COL9A1: variants seen among roughly 807,000 people sequenced by gnomAD.
COL9A1 encodes collagen alpha-1(IX) chain.
A neutral mutation model predicts 142.6 loss-of-function variants in COL9A1; 104 were observed. The observed-to-expected ratio is 0.73, with a 90% CI of 0.62 to 0.86. COL9A1 has a LOEUF of 0.86. Among genes scored for constraint, COL9A1 ranks in the 40% least tolerant of loss-of-function variants. The probability of loss-of-function intolerance (pLI) is 0.00; values close to 1 mark genes in which losing one functional copy is unlikely to be tolerated. For missense variants in COL9A1, 1,210 were observed against 1,176.6 expected (o/e 1.03, Z -0.42); for synonymous variants, 466 against 396.0 (o/e 1.18, Z -2.10).
chr6:70,254,776 C>A, intron 24 of COL9A1, 187 bp downstream of exon 24: 1 of 702,898 alleles, frequency 1.4e-6, no homozygotes. Context: ...GTTCCTGAAA[C>A]CAAGCAAATA....
intron 37 of COL9A1, among the ~76,000 whole-genome samples, chr6:70,224,776 T>A (rs1348258315): frequency 6.6e-6 from 1 of 152,202 alleles, no homozygotes; most frequent in Non-Finnish European, 1.5e-5. Flanking sequence ...TTCCTTTCAT[T>A]ACTAATCATA....
chr6:70,273,572 G>A (rs1772544186), intron 12 of COL9A1, among the ~76,000 whole-genome samples: 1 of 152,098 alleles, frequency 6.6e-6, no homozygotes, highest in Non-Finnish European at 1.5e-5. Context: ...ACACACACCT[G>A]CCATATTGTG....
intron 33 of COL9A1, among the ~76,000 whole-genome samples, 162 bp from the exon 34 acceptor site, chr6:70,235,102 C>T (rs189473229): frequency 3.3e-5 from 5 of 152,342 alleles, no homozygotes; most frequent in Admixed American, 1.3e-4. Context: ...GGTGAAGACA[C>T]ATAATGCTAC....
At chr6:70,288,381 T>C (rs540419226) in intron 5 of COL9A1, among the ~76,000 whole-genome samples, 4 of 152,208 alleles carry the variant, frequency 2.6e-5, no homozygotes, top group African/African-American at 9.6e-5. Context: ...CAGTAGCTCT[T>C]AAGTAGCCCT....
Position 70,240,731 on chromosome 6 carries a change from A to G in COL9A1, c.2037T>C (p.Gly679=). 6.2e-7 allele frequency: 1 copy of G among 1,612,686 alleles called. No homozygotes were observed. Among genetic ancestry groups the G allele is most frequent in the Non-Finnish European group, 8.5e-7 (1 of 1,178,960 alleles). Residue 679 remains glycine (G), a splice_region_variant and synonymous_variant, in exon 32 of 38, where the codon GGT becomes GGC. Coordinates refer to ENST00000357250, the MANE Select transcript of COL9A1 (RefSeq NM_001851.6). ...VGEPGPKGEQ[G]ASGEEGEAGE... ...CTGCTTCACCTTCTTCACCAGAGGC[A>G]CCCTAAAAATTAAGATAAAAGGTTA...
chr6:70,294,932 A>G (rs1293295412), intron 4 of COL9A1, among the ~76,000 whole-genome samples: 1 of 152,230 alleles, frequency 6.6e-6, no homozygotes. Flanking sequence ...TATTTCATTC[A>G]CAAGTGAGAG....
At chr6:70,230,843 G>C (rs4342384) in intron 36 of COL9A1, among the ~76,000 whole-genome samples, 1 of 152,122 alleles carries the variant, frequency 6.6e-6, no homozygotes, top group Non-Finnish European at 1.5e-5. Flanking sequence ...CCAGTGTGCA[G>C]GCAAGGCTGA....
Position 70,283,835 on chromosome 6 carries a change from T to G in COL9A1, c.697-15A>C. 1 of 1,590,064 alleles carries G rather than the reference T, an allele frequency of 6.3e-7. No individual in the cohort carries two copies. On this transcript the variant is annotated splice_polypyrimidine_tract_variant and intron_variant, in intron 5 of 37. Transcript: ENST00000357250. ...TGAAGTTCAAACTGGAGAAAGGTAGTAGACAGTCAGGTAAGGTTTTTTGGA... is the reference window on the plus strand; with the variant it reads ...TGAAGTTCAAACTGGAGAAAGGTAGGAGACAGTCAGGTAAGGTTTTTTGGA...
intron 5 of COL9A1, among the ~76,000 whole-genome samples, chr6:70,284,753 C>T (rs984924842): frequency 1.3e-5 from 2 of 152,218 alleles, no homozygotes; most frequent in African/African-American, 4.8e-5. Context: ...CAAATTGGAT[C>T]CATATTTCTT....
In COL9A1 at chr6:70,278,799, T is replaced by G. The variant is rs567543619; in HGVS notation, c.975+2013A>C. 3.9e-5 allele frequency among the ~76,000 whole-genome samples: 6 copies of G among 152,374 alleles called. No homozygotes were observed. The South Asian group carries it at 1.2e-3, about 32-fold the overall frequency. ...TTTCTATGTTGTACTTCTAAAAATT[T>G]CAAAGCACTTTCATTTGTTTATCCA... is the stretch of plus-strand genomic sequence containing the variant. On this transcript the variant is annotated intron_variant, in intron 10 of 37. Transcript: ENST00000357250.
chr6:70,277,180 G>A (rs1052692830), intron 10 of COL9A1, among the ~76,000 whole-genome samples: 1 of 152,004 alleles, frequency 6.6e-6, no homozygotes, highest in Non-Finnish European at 1.5e-5. Flanking sequence ...TCATATGGGT[G>A]TTATAAGAAA....
chr6:70,274,968 T>G, intron 10 of COL9A1, 196 bp from the exon 11 acceptor site: 1 of 584,224 alleles, frequency 1.7e-6, no homozygotes, highest in South Asian at 2.1e-5. Flanking sequence ...TTGTGATTAT[T>G]TCTTCTTGAT....
At chr6:70,262,453 G>A (rs1771749947) in intron 19 of COL9A1, among the ~76,000 whole-genome samples, 2 of 152,178 alleles carry the variant, frequency 1.3e-5, no homozygotes, top group Non-Finnish European at 2.9e-5. Context: ...AGCCAGTCCT[G>A]TGGAGAAGAG....
intron 12 of COL9A1, among the ~76,000 whole-genome samples, chr6:70,273,107 G>A (rs1463304530): frequency 2.0e-5 from 3 of 152,114 alleles, no homozygotes; most frequent in African/African-American, 7.2e-5. Context: ...AGTTGGACAG[G>A]AAAAACAAGC....
At chr6:70,257,057 T>A (rs1292171906) in intron 20 of COL9A1, among the ~76,000 whole-genome samples, 1 of 142,676 alleles carries the variant, frequency 7.0e-6, no homozygotes. Flanking sequence ...AATTTTTTTT[T>A]TTTTTTTTTT....
intron 20 of COL9A1, among the ~76,000 whole-genome samples, chr6:70,260,395 T>G (rs1389747897): frequency 6.6e-6 from 1 of 151,712 alleles, no homozygotes; most frequent in Non-Finnish European, 1.5e-5. Context: ...ATACAAAAAT[T>G]AGCCGGGCGT....
intron 16 of COL9A1, 136 bp from the exon 17 acceptor site, chr6:70,268,996 C>T (rs1287262732): frequency 1.0e-5 from 7 of 695,908 alleles, no homozygotes; most frequent in African/African-American, 5.3e-5. Flanking sequence ...TTGAATAATT[C>T]TAAACACCCC....
chr6:70,256,682 A>T (rs1348793103), intron 21 of COL9A1, 86 bp downstream of exon 21: 11 of 1,048,276 alleles, frequency 1.0e-5, no homozygotes, highest in Non-Finnish European at 2.9e-6. Context: ...TTAATTATTC[A>T]CACATAAACA....
intron 37 of COL9A1, among the ~76,000 whole-genome samples, chr6:70,223,842 G>A (rs1382004601): frequency 1.3e-5 from 2 of 152,162 alleles, no homozygotes; most frequent in African/African-American, 2.4e-5. Flanking sequence ...AAAAAAGGAA[G>A]GTTACCGAGG....
Sources: allele counts gnomAD v4.1 joint callset (sites outside exome capture counted in the v4.1 genomes callset), GRCh38; gene constraint gnomAD v4.1.1; transcripts MANE v1.5; gene names NCBI Gene and HGNC (gene_info 2026-07-23, HGNC 2026-07-21).